CTNND2: variants seen among roughly 807,000 people sequenced by gnomAD.
CTNND2 encodes catenin delta 2, also known as catenin delta-2.
In CTNND2, 22 loss-of-function variants were observed where a neutral mutation model predicts 144.4. That is an observed-to-expected ratio of 0.15 (90% CI 0.11 to 0.22). The LOEUF is 0.22. CTNND2 is among the 10% of genes least tolerant of loss of function. CTNND2 has a pLI of 1.00. For synonymous variants in CTNND2, 751 were observed against 695.6 expected, an observed-to-expected ratio of 1.08 and a Z score of -1.25; for missense variants, 1,353 against 1,618.8, an observed-to-expected ratio of 0.84 and a Z score of 2.82.
intron 16 of CTNND2, among the ~76,000 whole-genome samples, chr5:11,026,356 CTTTTTTT>C (rs67196223): frequency 1.7e-5 from 2 of 117,042 alleles, no homozygotes; most frequent in African/African-American, 6.3e-5. Context: ...CCTTCTTCTT[CTTTTTTT>C]TTTTTTTTTT....
At chr5:11,767,626 T>C (rs1378783169) in intron 1 of CTNND2, among the ~76,000 whole-genome samples, 1 of 152,192 alleles carries the variant, frequency 6.6e-6, no homozygotes, top group African/African-American at 2.4e-5. Context: ...TCCTTCATCA[T>C]ATTGAAAATG....
At chr5:11,541,240 C>T (rs1025493527) in intron 3 of CTNND2, among the ~76,000 whole-genome samples, 1 of 152,150 alleles carries the variant, frequency 6.6e-6, no homozygotes, top group Non-Finnish European at 1.5e-5. Context: ...ATAAGTGTTT[C>T]AGAAAGCTTC....
At chr5:11,472,869 T>C (rs1035972278) in intron 3 of CTNND2, among the ~76,000 whole-genome samples, 2 of 152,212 alleles carry the variant, frequency 1.3e-5, no homozygotes, top group Non-Finnish European at 2.9e-5. Context: ...TAGTCTCGTC[T>C]AAGAGGAGAG....
chr5:11,107,332 T>C (rs950928559), intron 14 of CTNND2, among the ~76,000 whole-genome samples: 2 of 152,218 alleles, frequency 1.3e-5, no homozygotes, highest in Admixed American at 6.5e-5. Flanking sequence ...CAAATCTCCA[T>C]TGTGGTCATT....
intron 11 of CTNND2, among the ~76,000 whole-genome samples, chr5:11,188,383 T>C (rs1276334784): frequency 2.6e-5 from 4 of 152,146 alleles, no homozygotes; most frequent in African/African-American, 9.7e-5. Flanking sequence ...TGTTCTCACT[T>C]AACTTAAAAG....
intron 9 of CTNND2, among the ~76,000 whole-genome samples, chr5:11,319,560 G>A (rs141134203): frequency 2.6e-3 from 393 of 151,796 alleles, no homozygotes; most frequent in African/African-American, 7.1e-3. Flanking sequence ...TCACTCTGTC[G>A]CCCAGGCTAG....
rs150090332 is a variant in CTNND2 at position 11,431,496 on chromosome 5, T to C, written c.288-19427A>G. 6.5e-3 allele frequency among the ~76,000 whole-genome samples: 986 copies of C among 152,340 alleles called. 7 individuals are homozygous for C. The highest frequency in any genetic ancestry group is 0.048 in the South Asian group (233 of 4,820). ...AGTGATGCTCTGAAGCTTTCTAGCA[T>C]CTTAAGGCAAGGCTTAAGAGATCAA... On this transcript the variant is annotated intron_variant, in intron 3 of 21. Coordinates refer to ENST00000304623, the MANE Select transcript of CTNND2 (RefSeq NM_001332.4).
intron 1 of CTNND2, among the ~76,000 whole-genome samples, chr5:11,776,293 G>A (rs374672692): frequency 6.6e-6 from 1 of 152,182 alleles, no homozygotes; most frequent in East Asian, 1.9e-4. Context: ...TCATCAGCCA[G>A]TGAGTGAGAC....
intron 1 of CTNND2, among the ~76,000 whole-genome samples, chr5:11,765,822 TTAA>T (rs1306419773): frequency 1.3e-5 from 2 of 152,210 alleles, no homozygotes; most frequent in African/African-American, 2.4e-5. Flanking sequence ...AAATAATTTG[TTAA>T]TAATAATGTA....
intron 13 of CTNND2, among the ~76,000 whole-genome samples, chr5:11,116,963 G>C (rs1007271133): frequency 1.2e-4 from 18 of 152,088 alleles, no homozygotes; most frequent in African/African-American, 4.1e-4. Context: ...GGAGGCTGAA[G>C]CAGGAGAATC....
intron 3 of CTNND2, among the ~76,000 whole-genome samples, chr5:11,432,708 T>C (rs1315240439): frequency 6.6e-6 from 1 of 152,116 alleles, no homozygotes; most frequent in Non-Finnish European, 1.5e-5. Flanking sequence ...AAAAAAATTA[T>C]AAGGAAATGA....
chr5:11,348,437 CAAAAAAAAAA>C (rs3034056), intron 8 of CTNND2, among the ~76,000 whole-genome samples: 12 of 114,724 alleles, frequency 1.0e-4, no homozygotes, highest in Admixed American at 3.7e-4. Context: ...AAATCAAGGG[CAAAAAAAAAA>C]AAAAAAAAAG....
chr5:10,976,411 G>A (rs1176809119), intron 21 of CTNND2, among the ~76,000 whole-genome samples: 1 of 152,216 alleles, frequency 6.6e-6, no homozygotes, highest in Non-Finnish European at 1.5e-5. Context: ...AGATTTGGAT[G>A]AGGGATGTAG....
In CTNND2 at chr5:11,795,891, C is replaced by G. The variant is rs569359063; in HGVS notation, c.38-63619G>C. Among the ~76,000 whole-genome samples, 6 of 152,350 alleles carry G rather than the reference C, an allele frequency of 3.9e-5. No homozygotes were observed. The East Asian group carries it at 1.2e-3, about 29-fold the overall frequency. On this transcript the variant is annotated intron_variant, in intron 1 of 21. Coordinates refer to ENST00000304623, the MANE Select transcript of CTNND2 (RefSeq NM_001332.4). ...AGTTCTTTAGGTCAGAATGTCCACA[C>G]AGGCCTCAGCAGGCCATATCAAGCC...
chr5:11,831,000 T>C (rs1793869086), intron 1 of CTNND2, among the ~76,000 whole-genome samples: 1 of 152,232 alleles, frequency 6.6e-6, no homozygotes, highest in Non-Finnish European at 1.5e-5. Context: ...TTGAAGTTTA[T>C]TCTGTGAAAA....
intron 3 of CTNND2, among the ~76,000 whole-genome samples, chr5:11,445,897 A>T (rs547529913): frequency 6.6e-6 from 1 of 152,364 alleles, no homozygotes; most frequent in South Asian, 2.1e-4. Flanking sequence ...GTAACACAGT[A>T]TTTAAATAGA....
At chr5:11,512,619 G>A (rs553079865) in intron 3 of CTNND2, among the ~76,000 whole-genome samples, 2 of 152,302 alleles carry the variant, frequency 1.3e-5, no homozygotes, top group East Asian at 3.9e-4. Flanking sequence ...TTTTCCCAAT[G>A]TGGCATATAA....
chr5:11,147,030 A>G (rs1240605182), intron 12 of CTNND2, among the ~76,000 whole-genome samples: 1 of 152,202 alleles, frequency 6.6e-6, no homozygotes, highest in Non-Finnish European at 1.5e-5. Context: ...CAGCAGAAAA[A>G]GAAGGGCCAT....
At chr5:11,706,732 T>C (rs1163133980) in intron 2 of CTNND2, among the ~76,000 whole-genome samples, 4 of 152,134 alleles carry the variant, frequency 2.6e-5, no homozygotes, top group African/African-American at 4.8e-5. Context: ...GCACAAATTG[T>C]TGTATGCATC....
Sources: gnomAD v4.1 joint callset for allele counts (sites outside exome capture counted in the v4.1 genomes callset) on GRCh38, gnomAD v4.1.1 for gene constraint, MANE v1.5 for transcripts, NCBI Gene and HGNC (gene_info 2026-07-23, HGNC 2026-07-21) for gene names.